Variants in FOXP2 observed in about 807,000 individuals in gnomAD.
FOXP2 encodes the protein forkhead box protein P2.
FOXP2 carries 12 observed loss-of-function variants against 115.8 expected under a neutral mutation model. The ratio of observed to expected loss-of-function variants is 0.10; its 90% CI spans 0.07 to 0.17. The LOEUF is 0.17. FOXP2 is among the 10% of genes least tolerant of loss of function. The probability of loss-of-function intolerance (pLI) is 1.00; values close to 1 mark genes in which losing one functional copy is unlikely to be tolerated. For missense variants in FOXP2, 629 were observed against 843.5 expected, an observed-to-expected ratio of 0.75 and a Z score of 3.15; for synonymous variants, 328 against 297.7, an observed-to-expected ratio of 1.10 and a Z score of -1.05.
intron 3 of FOXP2, among the ~76,000 whole-genome samples, chr7:114,601,335 A>T (rs1803014733): frequency 6.6e-6 from 1 of 152,134 alleles, no homozygotes; most frequent in African/African-American, 2.4e-5. Context: ...TTAATTTTTT[A>T]AATGGATCAG....
chr7:114,252,549 A>G (rs1795479734), intron 1 of FOXP2, among the ~76,000 whole-genome samples: 1 of 152,032 alleles, frequency 6.6e-6, no homozygotes. Context: ...GAATTTATCC[A>G]TTTCTTCTAG....
chr7:114,102,133 G>A (rs923712340), intron 1 of FOXP2, among the ~76,000 whole-genome samples: 3 of 151,884 alleles, frequency 2.0e-5, no homozygotes, highest in African/African-American at 7.3e-5. Context: ...TTTGAGCCAT[G>A]TTTCTATACT....
At chr7:114,467,730 T>A (rs941088991) in intron 2 of FOXP2, among the ~76,000 whole-genome samples, 6 of 152,070 alleles carry the variant, frequency 3.9e-5, no homozygotes, top group Non-Finnish European at 8.8e-5. Context: ...ATTAGAAAAA[T>A]CAAAAGGAAT....
intron 2 of FOXP2, among the ~76,000 whole-genome samples, chr7:114,386,352 T>A (rs1312241390): frequency 6.6e-6 from 1 of 152,202 alleles, no homozygotes; most frequent in African/African-American, 2.4e-5. Context: ...TTAAAAAAAT[T>A]TTAAGCTTTT....
chr7:114,351,635 A>G (rs901405973), intron 2 of FOXP2, among the ~76,000 whole-genome samples: 2 of 152,134 alleles, frequency 1.3e-5, no homozygotes, highest in East Asian at 3.9e-4. Context: ...GTGTCACAAT[A>G]TAAAATGTTA....
At chr7:114,418,377 A>G (rs1028337014) in intron 1 of FOXP2, among the ~76,000 whole-genome samples, 2 of 151,952 alleles carry the variant, frequency 1.3e-5, no homozygotes, top group Non-Finnish European at 2.9e-5. Context: ...TGGAAACGTC[A>G]TGATGAGCTA....
At chr7:114,330,963 A>G (rs1244301871) in intron 2 of FOXP2, among the ~76,000 whole-genome samples, 2 of 152,150 alleles carry the variant, frequency 1.3e-5, no homozygotes, top group Non-Finnish European at 2.9e-5. Context: ...AAAATTTACA[A>G]ATATCTATTC....
chr7:114,142,524 C>G (rs1478914682), intron 1 of FOXP2, among the ~76,000 whole-genome samples: 3 of 152,034 alleles, frequency 2.0e-5, no homozygotes, highest in Non-Finnish European at 4.4e-5. Context: ...AGAATAATTT[C>G]CAGAAGGTCC....
At chr7:114,610,524 C>T (rs1212702189) in intron 3 of FOXP2, among the ~76,000 whole-genome samples, 2 of 151,928 alleles carry the variant, frequency 1.3e-5, no homozygotes, top group African/African-American at 4.8e-5. Context: ...TATATATATC[C>T]TTAATTGAAA....
chr7:114,213,789 G>A (rs1028221333), intron 1 of FOXP2, among the ~76,000 whole-genome samples: 1 of 152,096 alleles, frequency 6.6e-6, no homozygotes, highest in African/African-American at 2.4e-5. Context: ...GTTAATCATT[G>A]TTATAACAAT....
chr7:114,294,550 T>C (rs1427137961), intron 2 of FOXP2, among the ~76,000 whole-genome samples: 1 of 151,940 alleles, frequency 6.6e-6, no homozygotes, highest in Non-Finnish European at 1.5e-5. Flanking sequence ...TTAAAAAAAA[T>C]AAATTCTCAG....
At chr7:114,205,255 G>T (rs185264461) in intron 1 of FOXP2, among the ~76,000 whole-genome samples, 152 of 152,204 alleles carry the variant, frequency 1.0e-3, no homozygotes, top group African/African-American at 3.5e-3. Flanking sequence ...TATTTCGATT[G>T]TATCACATGC....
intron 3 of FOXP2, among the ~76,000 whole-genome samples, chr7:114,578,549 G>A (rs1265774662): frequency 6.6e-6 from 1 of 152,016 alleles, no homozygotes; most frequent in Non-Finnish European, 1.5e-5. Flanking sequence ...CTTGACTCAT[G>A]GTTCATATGT....
intron 1 of FOXP2, among the ~76,000 whole-genome samples, chr7:114,417,173 G>C (rs1163999589): frequency 6.6e-6 from 1 of 151,908 alleles, no homozygotes; most frequent in African/African-American, 2.4e-5. Context: ...TTAGTTGATA[G>C]AGAGAATTGG....
intron 2 of FOXP2, among the ~76,000 whole-genome samples, chr7:114,397,159 G>A (rs964543477): frequency 2.0e-5 from 3 of 151,954 alleles, no homozygotes; most frequent in Non-Finnish European, 4.4e-5. Flanking sequence ...AAGAGATTTC[G>A]GGTGGAGATT....
Position 114,583,104 on chromosome 7 carries a change from G to A in FOXP2, c.259-45436G>A, listed in dbSNP as rs1303898530. Among the ~76,000 whole-genome samples the A allele has an allele frequency of 4.6e-5, 7 of 152,286 alleles. No homozygotes were observed. The East Asian group carries it at 5.8e-4, about 13-fold the overall frequency. On this transcript the variant is annotated intron_variant, in intron 3 of 16. Coordinates refer to ENST00000350908, the MANE Select transcript of FOXP2 (RefSeq NM_014491.4). ...TTGAAAAACTTTGCTTTGCCCAGGC[G>A]TGGTGGCTCACACCTGTAATCCCAG...
intron 1 of FOXP2, among the ~76,000 whole-genome samples, chr7:114,120,479 A>C (rs76050432): frequency 0.013 from 2,037 of 152,246 alleles, 23 homozygotes; most frequent in Non-Finnish European, 0.021. Context: ...ATGGTAAGAA[A>C]GGGGGCAGGG....
At chr7:114,167,173 A>C (rs2129151941) in intron 1 of FOXP2, among the ~76,000 whole-genome samples, 1 of 152,354 alleles carries the variant, frequency 6.6e-6, no homozygotes, top group African/African-American at 2.4e-5. Flanking sequence ...TAACTTGGTT[A>C]AACATCCCAG....
Position 114,290,191 on chromosome 7 carries a change from C to G in FOXP2, c.-11+2082C>G, listed in dbSNP as rs577975590. ...AAAATCCACTAAATGGAACTTGGTTCAAACCTCCTATTTTCAAACAATTTT... is the reference window on the plus strand; with the variant it reads ...AAAATCCACTAAATGGAACTTGGTTGAAACCTCCTATTTTCAAACAATTTT... On this transcript the variant is annotated intron_variant, in intron 2 of 17. Transcript: ENST00000634411. Among the ~76,000 whole-genome samples the G allele has an allele frequency of 2.1e-4, 32 of 151,972 alleles. No individual in the cohort carries two copies. In the South Asian group the frequency reaches 2.7e-3, roughly 13 times the overall value.
Sources: gnomAD v4.1 joint callset for allele counts (sites outside exome capture counted in the v4.1 genomes callset) on GRCh38, gnomAD v4.1.1 for gene constraint, MANE v1.5 for transcripts, NCBI Gene and HGNC (gene_info 2026-07-23, HGNC 2026-07-21) for gene names.